Variants in PITPNC1 observed in about 807,000 individuals in gnomAD.
PITPNC1 encodes phosphatidylinositol transfer protein cytoplasmic 1, also known as cytoplasmic phosphatidylinositol transfer protein 1.
PITPNC1 carries 18 observed loss-of-function variants against 44.7 expected under a neutral mutation model. The observed-to-expected ratio is 0.40, with a 90% CI of 0.28 to 0.60. The LOEUF (loss-of-function observed/expected upper bound fraction) is 0.60. PITPNC1 is among the 20% of genes least tolerant of loss of function. PITPNC1 has a pLI of 0.39. For synonymous variants in PITPNC1, 141 were observed against 149.6 expected (o/e 0.94, Z 0.42); for missense variants, 290 against 418.4 (o/e 0.69, Z 2.68).
intron 1 of PITPNC1, chr17:67,471,449 C>T (rs750746355): frequency 3.9e-5 from 14 of 360,746 alleles, no homozygotes; most frequent in African/African-American, 6.9e-5. Flanking sequence ...TGTGGACCTA[C>T]GTCTTCATTT....
At chr17:67,592,128 A>C (rs773645678) in intron 5 of PITPNC1, among the ~76,000 whole-genome samples, 8 of 152,202 alleles carry the variant, frequency 5.3e-5, no homozygotes, top group Non-Finnish European at 8.8e-5. Context: ...ACCTAAGAGA[A>C]TTTACAAATT....
At chr17:67,380,161 G>A (rs893294543) in intron 1 of PITPNC1, among the ~76,000 whole-genome samples, 1 of 150,378 alleles carries the variant, frequency 6.6e-6, no homozygotes, top group Non-Finnish European at 1.5e-5. Flanking sequence ...TGCAACCTCC[G>A]CCACCTGGAT....
intron 1 of PITPNC1, among the ~76,000 whole-genome samples, chr17:67,411,960 A>G (rs766760144): frequency 6.6e-6 from 1 of 152,096 alleles, no homozygotes; most frequent in South Asian, 2.1e-4. Context: ...CTCCCTTCCC[A>G]TGGTACTGCA....
intron 1 of PITPNC1, among the ~76,000 whole-genome samples, chr17:67,472,452 C>A (rs2144007169): frequency 6.7e-6 from 1 of 150,032 alleles, no homozygotes; most frequent in South Asian, 2.1e-4. Flanking sequence ...TCGAGACCAT[C>A]CTGGCTAACA....
intron 2 of PITPNC1, among the ~76,000 whole-genome samples, chr17:67,550,437 ACTGG>A: frequency 6.6e-6 from 1 of 151,760 alleles, no homozygotes; most frequent in Non-Finnish European, 1.5e-5. Context: ...AAGAGAAACA[ACTGG>A]AAAAGACAGG....
intron 6 of PITPNC1, among the ~76,000 whole-genome samples, chr17:67,652,333 G>T (rs1283588471): frequency 6.6e-6 from 1 of 152,168 alleles, no homozygotes; most frequent in Non-Finnish European, 1.5e-5. Flanking sequence ...CGAGGACGCA[G>T]TTTTACACGG....
chr17:67,505,288 A>C (rs1401048656), intron 1 of PITPNC1, among the ~76,000 whole-genome samples: 1 of 152,118 alleles, frequency 6.6e-6, no homozygotes, highest in Non-Finnish European at 1.5e-5. Flanking sequence ...TAGTTGTTCT[A>C]TCCATTATTC....
chr17:67,415,088 C>T (rs1567981019), intron 1 of PITPNC1, among the ~76,000 whole-genome samples: 1 of 152,094 alleles, frequency 6.6e-6, no homozygotes, highest in Non-Finnish European at 1.5e-5. Flanking sequence ...TCATGTTCAC[C>T]AGGCTGGTCT....
chr17:67,437,754 G>A (rs895725718), intron 1 of PITPNC1, among the ~76,000 whole-genome samples: 4 of 152,100 alleles, frequency 2.6e-5, no homozygotes, highest in Admixed American at 1.3e-4. Flanking sequence ...CCCTGAGAAC[G>A]AATGAACAAA....
chr17:67,683,953 G>A (rs1050205230), intron 8 of PITPNC1, among the ~76,000 whole-genome samples: 2 of 150,102 alleles, frequency 1.3e-5, no homozygotes, highest in African/African-American at 4.9e-5. Flanking sequence ...ACTTCAGCCT[G>A]GGTGACAGAG....
At position 67,381,520 on chromosome 17, in the gene PITPNC1, G is replaced by A. The variant is rs551130620; in HGVS notation, c.48+3318G>A. 1.4e-4 allele frequency among the ~76,000 whole-genome samples: 21 copies of A among 148,296 alleles called. No homozygotes were observed. In the South Asian group the frequency reaches 4.1e-3, roughly 29 times the overall value. ...CTCCCTCTGTCTCCCAGGCTGGAGCGCAGTGGTGCAATCTCAGCTCACTGC... is the reference window on the plus strand; with the variant it reads ...CTCCCTCTGTCTCCCAGGCTGGAGCACAGTGGTGCAATCTCAGCTCACTGC... On this transcript the variant is annotated intron_variant, in intron 1 of 8. Coordinates refer to ENST00000581322, the MANE Select transcript of PITPNC1 (RefSeq NM_012417.4).
At chr17:67,575,254 C>T (rs2144223792) in intron 4 of PITPNC1, among the ~76,000 whole-genome samples, 1 of 74,136 alleles carries the variant, frequency 1.3e-5, no homozygotes, top group South Asian at 3.9e-4. Context: ...GTTCTCATGT[C>T]TGCTTTGGGG....
At chr17:67,633,469 T>C (rs2041995204) in intron 6 of PITPNC1, among the ~76,000 whole-genome samples, 1 of 152,260 alleles carries the variant, frequency 6.6e-6, no homozygotes, top group Non-Finnish European at 1.5e-5. Context: ...CAGGCGCTTA[T>C]GTTCAGCTGC....
intron 1 of PITPNC1, among the ~76,000 whole-genome samples, chr17:67,441,787 C>T (rs892186859): frequency 9.9e-5 from 15 of 152,070 alleles, no homozygotes; most frequent in African/African-American, 2.9e-4. Flanking sequence ...TTCATCAGTG[C>T]GCCCTGCTGT....
intron 1 of PITPNC1, among the ~76,000 whole-genome samples, chr17:67,532,357 G>A (rs1287116430): frequency 6.6e-6 from 1 of 152,178 alleles, no homozygotes; most frequent in Non-Finnish European, 1.5e-5. Context: ...GAGGATAGAA[G>A]AAATAGATGA....
At chr17:67,456,129 T>A (rs891780629) in intron 1 of PITPNC1, among the ~76,000 whole-genome samples, 1 of 152,226 alleles carries the variant, frequency 6.6e-6, no homozygotes, top group Non-Finnish European at 1.5e-5. Context: ...GTCTAATTCT[T>A]AAGAACCAGT....
intron 1 of PITPNC1, among the ~76,000 whole-genome samples, chr17:67,406,851 T>A (rs2038408823): frequency 6.6e-6 from 1 of 152,130 alleles, no homozygotes; most frequent in Non-Finnish European, 1.5e-5. Flanking sequence ...CCTCCTAAAG[T>A]GCTGGGATTA....
chr17:67,636,191 G>A (rs529797815), intron 6 of PITPNC1, among the ~76,000 whole-genome samples: 11 of 150,752 alleles, frequency 7.3e-5, no homozygotes, highest in Admixed American at 2.0e-4. Context: ...CCATCTACTC[G>A]TGAGGCTGAG....
At chr17:67,484,619 C>T (rs1260545319) in intron 1 of PITPNC1, among the ~76,000 whole-genome samples, 1 of 152,152 alleles carries the variant, frequency 6.6e-6, no homozygotes, top group Non-Finnish European at 1.5e-5. Context: ...ATCCAATCCC[C>T]TAAGAAATCA....
Sources: allele counts gnomAD v4.1 joint callset (sites outside exome capture counted in the v4.1 genomes callset), GRCh38; gene constraint gnomAD v4.1.1; transcripts MANE v1.5; gene names NCBI Gene and HGNC (gene_info 2026-07-23, HGNC 2026-07-21).